MYBBP1A: variants seen among roughly 807,000 people sequenced by gnomAD.
MYBBP1A encodes the protein MYB binding protein 1a.
In MYBBP1A, 147 loss-of-function variants were observed where a neutral mutation model predicts 136.3. That is an observed-to-expected ratio of 1.08 (90% confidence interval 0.94 to 1.24). The LOEUF (loss-of-function observed/expected upper bound fraction) is 1.24. Among genes scored for constraint, MYBBP1A ranks in the 50% most tolerant of loss-of-function variants. The pLI, the probability that MYBBP1A is intolerant of heterozygous loss-of-function variation, is 0.00. For synonymous variants in MYBBP1A, 947 were observed against 735.8 expected (o/e 1.29, Z -4.65); for missense variants, 2,060 against 1,727.4 (o/e 1.19, Z -3.41).
Position 4,553,747 on chromosome 17 carries a change from G to A in MYBBP1A, c.561+63C>T, listed in dbSNP as rs1431992542. The A allele has an allele frequency of 6.1e-5, 77 of 1,258,044 alleles. No individual in the cohort carries two copies. The South Asian group carries it at 6.6e-4, about 11-fold the overall frequency. The allele number at this position is 1,258,044 out of a possible 1,614,324, so 77.9% of individuals were successfully genotyped here. ...ACAGTGCTGTTCCAGATTCTCATCCGAGCCCCCTTGATGTCTCTGTAACAA... is the reference window on the plus strand; with the variant it reads ...ACAGTGCTGTTCCAGATTCTCATCCAAGCCCCCTTGATGTCTCTGTAACAA... On this transcript the variant is annotated intron_variant, in intron 5 of 25. Coordinates refer to ENST00000254718, the MANE Select transcript of MYBBP1A (RefSeq NM_014520.4).
chr17:4,546,577 T>G (rs895424868), intron 13 of MYBBP1A, among the ~76,000 whole-genome samples: 2 of 152,180 alleles, frequency 1.3e-5, no homozygotes, highest in African/African-American at 2.4e-5. Context: ...CAGCCCCCAA[T>G]TCATAATTCT....
In MYBBP1A at chr17:4,539,250, G is replaced by T; in HGVS notation, c.*165C>A. ...GACCCCTGCAGGAATGGCTCAGGCT[G>T]TGCTTGCCAGAGCAGGATGCCCGGG... On this transcript the variant is annotated 3_prime_UTR_variant, in exon 26 of 26. Coordinates refer to ENST00000254718, the MANE Select transcript of MYBBP1A (RefSeq NM_014520.4). 6.7e-7 allele frequency: 1 copy of T among 1,483,934 alleles called. No homozygotes were observed. Among genetic ancestry groups the T allele is most frequent in the South Asian group, 1.4e-5 (1 of 70,770 alleles). 91.9% of individuals were successfully genotyped at this position (1,483,934 alleles called of 1,614,324 possible). A position where few individuals can be genotyped will look rare whatever the true frequency, so the allele number is the denominator to read the frequency against.
Position 4,551,957 on chromosome 17 carries a change from G to T in MYBBP1A, c.946C>A (p.Leu316Met). 2 of 1,612,580 alleles carry T rather than the reference G, an allele frequency of 1.2e-6. No individual in the cohort carries two copies. The highest frequency in any genetic ancestry group is 1.7e-6 in the Non-Finnish European group (2 of 1,179,126). The change falls in exon 8 of 26, where the codon CTG becomes ATG. Residue 316 changes from leucine to methionine, a missense_variant. Transcript: ENST00000254718. ...FRLLGAALPLLTKEQLHLVMQ... is the reference protein window; with the variant it reads ...FRLLGAALPLMTKEQLHLVMQ... The stretch of plus-strand genomic sequence containing the variant: ...ACCAGGTGCAGCTGCTCCTTGGTCA[G>T]CAGGGGCAGGGCCGCGCCCAGCAGG...
Position 4,545,703 on chromosome 17 carries a change from G to A in MYBBP1A, c.1980C>T (p.Ala660=), listed in dbSNP as rs1393187786. 6.2e-7 allele frequency: 1 copy of A among 1,610,320 alleles called. No individual in the cohort carries two copies. Among genetic ancestry groups the A allele is most frequent in the African/African-American group, 1.3e-5 (1 of 74,962 alleles). ...VLVEILLALL[A]QPSHLMRQVA... is the part of the protein sequence containing the mutation. Reference sequence around the variant, plus strand: ...CCTGGCGCATGAGGTGGCTGGGCTGGGCCAACAGGGCCAGCAAGATCTCCA... The same window carrying A: ...CCTGGCGCATGAGGTGGCTGGGCTGAGCCAACAGGGCCAGCAAGATCTCCA... Residue 660 remains alanine (A), a synonymous_variant, in exon 15 of 26, where the codon GCC becomes GCT. Transcript: ENST00000254718.
intron 25 of MYBBP1A, 75 bp from the exon 26 acceptor site, chr17:4,540,042 C>T: frequency 3.3e-6 from 5 of 1,504,120 alleles, no homozygotes; most frequent in Non-Finnish European, 4.5e-6. Flanking sequence ...GCTACCTCCA[C>T]CTGGATTCTG....
chr17:4,552,162 C>T lies in MYBBP1A; in HGVS notation c.868G>A (p.Glu290Lys), dbSNP rs763879972. ...AACTGCATCTTCAGCAGCCCTTGTT[C>T]CACCACCTCCTTCCAGAACCGTGGG... ...KFPRFWKEVVEQGLLKMQFWP... is the reference protein window; with the variant it reads ...KFPRFWKEVVKQGLLKMQFWP... Residue 290 changes from glutamate to lysine, a missense_variant, in exon 7 of 26, where the codon GAA becomes AAA. Physicochemically the swap from Glu to Lys is moderately conservative, Grantham distance 56. Transcript: ENST00000254718. The surrounding 1 kb of genome is among the most constrained non-coding windows in gnomAD (Gnocchi z 4.7). 5.0e-5 allele frequency: 80 copies of T among 1,614,226 alleles called. No homozygotes were observed. In the South Asian group the frequency reaches 8.2e-4, roughly 17 times the overall value.
intron 13 of MYBBP1A, 46 bp downstream of exon 13, chr17:4,547,912 C>T (rs1044297051): frequency 2.2e-5 from 31 of 1,402,520 alleles, no homozygotes; most frequent in Non-Finnish European, 2.8e-5. Context: ...GCCCATTGTG[C>T]CATAGAACCC....
At position 4,548,107 on chromosome 17, in the gene MYBBP1A, C is replaced by T. The variant is rs761073753; in HGVS notation, c.1724+36G>A. ...GGCCCCTGCACCAGTCAGACTGCAG[C>T]GTCCTGCCCACCCCCTGGAAATCCC... On this transcript the variant is annotated intron_variant, in intron 12 of 25. Coordinates refer to ENST00000254718, the MANE Select transcript of MYBBP1A (RefSeq NM_014520.4). The surrounding 1 kb of genome is among the most constrained non-coding windows in gnomAD (Gnocchi z 4.2). The T allele has an allele frequency of 2.2e-5, 35 of 1,602,748 alleles. No individual in the cohort carries two copies. In the Middle Eastern group the frequency reaches 4.9e-4, roughly 23 times the overall value.
chr17:4,552,223 C>A lies in MYBBP1A; in HGVS notation c.807G>T (p.Leu269=). Residue 269 remains leucine (L), a synonymous_variant, in exon 7 of 26, where the codon CTG becomes CTT. Transcript: ENST00000254718. The surrounding 1 kb of genome is among the most constrained non-coding windows in gnomAD (Gnocchi z 4.7). The part of the protein sequence containing the change: ...KKDRKLPAIA[L]DLLRLALKED... ...CCTTGAGTGCCAGGCGGAGCAGGTCCAGAGCAATGGCGGGCAGCTTGCGGT... is the reference window on the plus strand; with the variant it reads ...CCTTGAGTGCCAGGCGGAGCAGGTCAAGAGCAATGGCGGGCAGCTTGCGGT... 1 of 1,614,228 alleles carries A rather than the reference C, an allele frequency of 6.2e-7. No homozygotes were observed. The highest frequency in any genetic ancestry group is 8.5e-7 in the Non-Finnish European group (1 of 1,180,034).
In MYBBP1A at chr17:4,542,571, G is replaced by T. The variant is rs1051369161; in HGVS notation, c.3019-39C>A. On this transcript the variant is annotated intron_variant, in intron 21 of 25. Coordinates refer to ENST00000254718, the MANE Select transcript of MYBBP1A (RefSeq NM_014520.4). ...ACAAGGGCTGTGAGGTGCAGGCTGG[G>T]CTGAGCAGGGACCATGAGGAAGCAG... The T allele has an allele frequency of 1.2e-5, 20 of 1,612,830 alleles. No individual in the cohort carries two copies. In the East Asian group the frequency reaches 4.5e-4, roughly 36 times the overall value.
rs772818866 is a variant in MYBBP1A at position 4,538,979 on chromosome 17, A to C, written c.*436T>G. 1 of 798,356 alleles carries C rather than the reference A, an allele frequency of 1.3e-6. No homozygotes were observed. The highest frequency in any genetic ancestry group is 2.3e-6 in the Non-Finnish European group (1 of 433,984). 49.5% of individuals were successfully genotyped at this position (798,356 alleles called of 1,614,324 possible). A position where few individuals can be genotyped will look rare whatever the true frequency, so the allele number is the denominator to read the frequency against. On this transcript the variant is annotated 3_prime_UTR_variant, in exon 26 of 26. Transcript: ENST00000254718. The stretch of plus-strand genomic sequence containing the variant: ...TGCTGATTGTGAATCTCAGAGTCTT[A>C]AGAGAGAAGCCAAATATATTCCTCT...
At chr17:4,544,693 G>A (rs773098394) in intron 18 of MYBBP1A, 47 bp from the exon 19 acceptor site, 58 of 1,437,198 alleles carry the variant, frequency 4.0e-5, no homozygotes, top group Non-Finnish European at 5.1e-5. Flanking sequence ...GGCGCACAGG[G>A]AGGCGGGGGT....
Position 4,552,185 on chromosome 17 carries a change from G to A in MYBBP1A, c.845C>T (p.Pro282Leu), listed in dbSNP as rs1487043339. Residue 282 changes from proline (P) to leucine (L), a missense_variant, in exon 7 of 26, where the codon CCA (proline) becomes CTA (leucine). By Grantham distance (98) the Pro-to-Leu change is moderately conservative. Coordinates refer to ENST00000254718, the MANE Select transcript of MYBBP1A (RefSeq NM_014520.4). The surrounding 1 kb of genome is among the most constrained non-coding windows in gnomAD (Gnocchi z 4.7). Reference sequence around the variant, plus strand: ...TTCCACCACCTCCTTCCAGAACCGTGGGAACTTGTCTTCCTTGAGTGCCAG... The same window carrying A: ...TTCCACCACCTCCTTCCAGAACCGTAGGAACTTGTCTTCCTTGAGTGCCAG... ...LRLALKEDKF[P>L]RFWKEVVEQG... The A allele has an allele frequency of 1.9e-6, 3 of 1,614,114 alleles. No homozygotes were observed. Among genetic ancestry groups the A allele is most frequent in the African/African-American group, 1.3e-5 (1 of 74,950 alleles).
At chr17:4,542,853 CG>C (rs1465796634) in intron 20 of MYBBP1A, 59 bp downstream of exon 20, 1 of 1,605,060 alleles carries the variant, frequency 6.2e-7, no homozygotes, top group Non-Finnish European at 8.5e-7. Flanking sequence ...GGGGAAGTCC[CG>C]GCCTCCACTC....
intron 22 of MYBBP1A, 189 bp from the exon 23 acceptor site, chr17:4,542,080 G>A: frequency 1.7e-6 from 1 of 600,412 alleles, no homozygotes; most frequent in Non-Finnish European, 3.0e-6. Flanking sequence ...AGGCCTCCCA[G>A]CTGGATAGAG....
At chr17:4,545,002 C>A in intron 17 of MYBBP1A, 24 bp downstream of exon 17, 1 of 1,371,930 alleles carries the variant, frequency 7.3e-7, no homozygotes, top group Admixed American at 2.6e-5. Context: ...CCCGGCCGCC[C>A]CCCCCTCCAC....
At chr17:4,540,935 C>CGGGCCCCGTCCCGGGCCCCGTCCT in intron 24 of MYBBP1A, among the ~76,000 whole-genome samples, 1 of 152,250 alleles carries the variant, frequency 6.6e-6, no homozygotes, top group South Asian at 2.1e-4. Flanking sequence ...GGCCCCGTCC[C>CGGGCCCCGTCCCGGGCCCCGTCCT]GGGCCCCGCC....
Position 4,548,698 on chromosome 17 carries a change from T to C in MYBBP1A, c.1431-49A>G, listed in dbSNP as rs1001620445. On this transcript the variant is annotated intron_variant, in intron 10 of 25. Coordinates refer to ENST00000254718, the MANE Select transcript of MYBBP1A (RefSeq NM_014520.4). The surrounding 1 kb of genome is among the most constrained non-coding windows in gnomAD (Gnocchi z 4.2). ...ATAGCCATTCACTGCCATTGGTTTTTACAGGCTCCCCTCCTTGGATGGTAC... is the reference window on the plus strand; with the variant it reads ...ATAGCCATTCACTGCCATTGGTTTTCACAGGCTCCCCTCCTTGGATGGTAC... 12 of 1,611,460 alleles carry C rather than the reference T, an allele frequency of 7.4e-6. No homozygotes were observed. Among genetic ancestry groups the C allele is most frequent in the South Asian group, 3.3e-5 (3 of 90,820 alleles).
Position 4,551,867 on chromosome 17 carries a change from G to C in MYBBP1A, c.1023+13C>G, listed in dbSNP as rs76953250. 10 of 1,607,182 alleles carry C rather than the reference G, an allele frequency of 6.2e-6. No homozygotes were observed. Among genetic ancestry groups the C allele is most frequent in the Non-Finnish European group, 7.7e-6 (9 of 1,174,934 alleles). The stretch of plus-strand genomic sequence containing the variant: ...CCTTTCTGGCAGTGTCGAGCTGCAC[G>C]GGCATTACCCACCTTAGCAGTGCAC... On this transcript the variant is annotated intron_variant, in intron 8 of 25. Coordinates refer to ENST00000254718, the MANE Select transcript of MYBBP1A (RefSeq NM_014520.4).
Sources: gnomAD v4.1 joint callset for allele counts (sites outside exome capture counted in the v4.1 genomes callset) on GRCh38, gnomAD v4.1.1 for gene constraint, Gnocchi (gnomAD v3.1) non-coding constraint, MANE v1.5 for transcripts, NCBI Gene and HGNC (gene_info 2026-07-23, HGNC 2026-07-21) for gene names.